Variants in PPP2R5E observed in about 807,000 individuals in gnomAD.
PPP2R5E encodes serine/threonine-protein phosphatase 2A 56 kDa regulatory subunit epsilon isoform.
In PPP2R5E, 4 loss-of-function variants were observed where a neutral mutation model predicts 65.3. That is an observed-to-expected ratio of 0.06 (90% CI 0.03 to 0.14). PPP2R5E has a LOEUF of 0.14. Among genes scored for constraint, PPP2R5E ranks in the 10% least tolerant of loss-of-function variants. The probability of loss-of-function intolerance (pLI) is 1.00; values close to 1 mark genes in which losing one functional copy is unlikely to be tolerated. For missense variants in PPP2R5E, 274 were observed against 556.1 expected (o/e 0.49, Z 5.10); for synonymous variants, 183 against 187.4 (o/e 0.98, Z 0.19).
rs1883973758 is a variant in PPP2R5E, at chr14:63,376,204, C to G, written c.1305-96G>C. On this transcript the variant is annotated intron_variant, in intron 13 of 13. Coordinates refer to ENST00000337537, the MANE Select transcript of PPP2R5E (RefSeq NM_006246.5). Reference sequence around the variant, plus strand: ...AATTTCACCTTAACACTCCTTTATACTTAGCTTAATTGAGAAAATTAACTT... The same window carrying G: ...AATTTCACCTTAACACTCCTTTATAGTTAGCTTAATTGAGAAAATTAACTT... 2.1e-5 allele frequency: 17 copies of G among 818,434 alleles called. No homozygotes were observed. The South Asian group carries it at 3.2e-4, about 15-fold the overall frequency. The allele number at this position is 818,434 out of a possible 1,614,324, so 50.7% of individuals were successfully genotyped here.
At chr14:63,400,555 T>C (rs976163646) in intron 5 of PPP2R5E, among the ~76,000 whole-genome samples, 1 of 152,202 alleles carries the variant, frequency 6.6e-6, no homozygotes, top group African/African-American at 2.4e-5. Flanking sequence ...GAGTTCTTTC[T>C]ATGTGCCAGC....
chr14:63,523,954 C>T (rs1893079132), intron 2 of PPP2R5E, among the ~76,000 whole-genome samples: 1 of 152,166 alleles, frequency 6.6e-6, no homozygotes, highest in Non-Finnish European at 1.5e-5. Flanking sequence ...CCTGAACCTA[C>T]TCTGAATTCT....
chr14:63,484,585 T>C (rs1890891307), intron 2 of PPP2R5E, among the ~76,000 whole-genome samples: 1 of 152,130 alleles, frequency 6.6e-6, no homozygotes, highest in Non-Finnish European at 1.5e-5. Flanking sequence ...AACGAGGCTA[T>C]TACAGATAAC....
intron 2 of PPP2R5E, among the ~76,000 whole-genome samples, chr14:63,521,537 C>T (rs973591841): frequency 1.3e-5 from 2 of 152,152 alleles, no homozygotes; most frequent in African/African-American, 4.8e-5. Context: ...CATGGTGGCA[C>T]ATGCCGGTAA....
At chr14:63,453,972 T>C in intron 2 of PPP2R5E, 87 bp from the exon 3 acceptor site, 1 of 1,007,204 alleles carries the variant, frequency 9.9e-7, no homozygotes. Context: ...AAAGGCAAGC[T>C]AAAAAAAAAT....
chr14:63,476,483 C>T (rs1890417375), intron 2 of PPP2R5E, among the ~76,000 whole-genome samples: 1 of 152,130 alleles, frequency 6.6e-6, no homozygotes, highest in Non-Finnish European at 1.5e-5. Context: ...AAGACCACTC[C>T]TCCTTCCGCT....
In PPP2R5E at chr14:63,379,829, T is replaced by C. The variant is rs1035076861; in HGVS notation, c.1304+2227A>G. On this transcript the variant is annotated intron_variant, in intron 13 of 13. Transcript: ENST00000337537. ...GTTGTTCTTCAATATTCTCTCTCTT[T>C]TTTTTTTTTTTTTTTTTTTTTTTGA... Among the ~76,000 whole-genome samples the C allele has an allele frequency of 7.9e-3, 955 of 120,616 alleles. 60 individuals carry two copies. Among genetic ancestry groups the C allele is most frequent in the East Asian group, 0.07 (300 of 4,266 alleles). 79.1% of individuals were successfully genotyped at this position (120,616 alleles called of 152,430 possible).
intron 3 of PPP2R5E, among the ~76,000 whole-genome samples, chr14:63,434,217 G>A (rs1887840756): frequency 6.6e-6 from 1 of 152,036 alleles, no homozygotes; most frequent in African/African-American, 2.4e-5. Context: ...TCTTTTTAGT[G>A]GGGAAGAGTC....
chr14:63,526,015 C>T (rs1263454708), intron 2 of PPP2R5E, among the ~76,000 whole-genome samples: 2 of 152,108 alleles, frequency 1.3e-5, no homozygotes, highest in African/African-American at 4.8e-5. Flanking sequence ...TACCACCACA[C>T]CTGGCTAATT....
chr14:63,528,714 C>CAA, intron 2 of PPP2R5E, among the ~76,000 whole-genome samples: 1 of 141,426 alleles, frequency 7.1e-6, no homozygotes, highest in East Asian at 2.0e-4. Flanking sequence ...CTGGGTTTTG[C>CAA]AAAAAAAAAA....
intron 2 of PPP2R5E, among the ~76,000 whole-genome samples, chr14:63,509,266 CCTTTTT>C (rs1892351464): frequency 7.5e-6 from 1 of 133,378 alleles, no homozygotes; most frequent in Admixed American, 7.3e-5. Context: ...TTTAAAATAT[CCTTTTT>C]TTTTTTTTTT....
intron 2 of PPP2R5E, among the ~76,000 whole-genome samples, chr14:63,482,232 A>C (rs1466169357): frequency 3.3e-5 from 5 of 152,228 alleles, no homozygotes; most frequent in Non-Finnish European, 7.3e-5. Context: ...TGAGAGGCTG[A>C]GGTGGGCAGA....
At chr14:63,490,298 T>G (rs1455883305) in intron 2 of PPP2R5E, among the ~76,000 whole-genome samples, 1 of 152,060 alleles carries the variant, frequency 6.6e-6, no homozygotes, top group African/African-American at 2.4e-5. Flanking sequence ...GATTAAGGAC[T>G]TAAATGTAAG....
chr14:63,430,372 TGC>T lies in PPP2R5E; in HGVS notation c.355-8280_355-8279del, dbSNP rs1566696410. Among the ~76,000 whole-genome samples the T allele has an allele frequency of 2.1e-3, 240 of 115,266 alleles. 1 individual carries two copies. Among genetic ancestry groups the T allele is most frequent in the African/African-American group, 6.2e-3 (144 of 23,070 alleles). The allele number at this position is 115,266 out of a possible 152,430, so 75.6% of individuals were successfully genotyped here. On this transcript the variant is annotated intron_variant, in intron 3 of 13. Transcript: ENST00000337537. ...ATACATACATACATACATACATACA[TGC>T]ATGCATACATACATACATACATACA...
intron 5 of PPP2R5E, among the ~76,000 whole-genome samples, chr14:63,408,383 A>G (rs1886206935): frequency 1.3e-5 from 2 of 152,148 alleles, no homozygotes; most frequent in Admixed American, 6.5e-5. Context: ...ATATGTGTAT[A>G]TAGCCATCTA....
intron 2 of PPP2R5E, among the ~76,000 whole-genome samples, chr14:63,488,548 T>TA (rs1027877969): frequency 1.3e-5 from 2 of 151,976 alleles, no homozygotes; most frequent in African/African-American, 4.8e-5. Context: ...TAATTCCTTC[T>TA]AAAAAATTCC....
chr14:63,534,678 G>A (rs1893594849), intron 2 of PPP2R5E, among the ~76,000 whole-genome samples: 1 of 152,140 alleles, frequency 6.6e-6, no homozygotes, highest in Non-Finnish European at 1.5e-5. Flanking sequence ...TGGACACAGT[G>A]GAACAATCAC....
chr14:63,495,616 G>A (rs1370829736), intron 2 of PPP2R5E, among the ~76,000 whole-genome samples: 1 of 151,782 alleles, frequency 6.6e-6, no homozygotes, highest in Non-Finnish European at 1.5e-5. Context: ...CTACATATAT[G>A]TATATGTAGA....
chr14:63,398,461 A>G (rs1885536724), intron 5 of PPP2R5E, among the ~76,000 whole-genome samples: 1 of 152,226 alleles, frequency 6.6e-6, no homozygotes, highest in Non-Finnish European at 1.5e-5. Context: ...ATTTTCAACA[A>G]GAATGGTCAA....
Sources: allele counts gnomAD v4.1 joint callset (sites outside exome capture counted in the v4.1 genomes callset), GRCh38; gene constraint gnomAD v4.1.1; transcripts MANE v1.5; gene names NCBI Gene and HGNC (gene_info 2026-07-23, HGNC 2026-07-21).